FHIT: variants seen among roughly 807,000 people sequenced by gnomAD.
FHIT encodes bis(5'-adenosyl)-triphosphatase.
Under a neutral mutation model 17.9 loss-of-function variants are expected in FHIT, and 19 were observed. The ratio of observed to expected loss-of-function variants is 1.06; its 90% CI spans 0.74 to 1.56. The LOEUF (loss-of-function observed/expected upper bound fraction) is 1.56, where lower values mean the gene tolerates loss of function less well. Among genes scored for constraint, FHIT ranks in the 40% most tolerant of loss-of-function variants. The pLI is 0.00. For missense variants in FHIT, 248 were observed against 189.2 expected (o/e 1.31, Z -1.82); for synonymous variants, 81 against 69.7 (o/e 1.16, Z -0.81).
At position 60,539,969 on chromosome 3, in the gene FHIT, ATAAAT is replaced by A. The variant is rs561035966; in HGVS notation, c.-17-2995_-17-2991del. Among the ~76,000 whole-genome samples, 790 of 150,222 alleles carry A rather than the reference ATAAAT, an allele frequency of 5.3e-3. 7 individuals carry two copies. The highest frequency in any genetic ancestry group is 0.016 in the African/African-American group (661 of 41,226). On this transcript the variant is annotated intron_variant, in intron 4 of 9. Transcript: ENST00000492590. ...AATATATATATATAAATAAAATAAA[ATAAAT>A]TAAATTAAAATAAAAAAGAAGAACC...
chr3:61,059,646 A>G (rs1318574166), intron 2 of FHIT, among the ~76,000 whole-genome samples: 1 of 152,200 alleles, frequency 6.6e-6, no homozygotes, highest in Non-Finnish European at 1.5e-5. Context: ...TCCTTCAAAG[A>G]AAACAACTGA....
intron 3 of FHIT, among the ~76,000 whole-genome samples, chr3:60,970,838 A>G (rs1371444128): frequency 6.6e-6 from 1 of 152,188 alleles, no homozygotes; most frequent in East Asian, 1.9e-4. Context: ...ATACAAAAAT[A>G]GACTTAATAA....
chr3:60,345,042 T>C (rs1011326598), intron 5 of FHIT, among the ~76,000 whole-genome samples: 3 of 152,220 alleles, frequency 2.0e-5, no homozygotes, highest in Admixed American at 1.3e-4. Context: ...AAGTAAACTT[T>C]ATGAAAATCA....
chr3:60,592,529 C>A (rs938309101), intron 4 of FHIT, among the ~76,000 whole-genome samples: 3 of 152,078 alleles, frequency 2.0e-5, no homozygotes, highest in African/African-American at 7.2e-5. Flanking sequence ...TCTCTTCTAC[C>A]ACCTCTGTGA....
chr3:59,790,506 TTCTC>T (rs574974245), intron 8 of FHIT, among the ~76,000 whole-genome samples: 37 of 150,648 alleles, frequency 2.5e-4, no homozygotes, highest in African/African-American at 3.7e-4. Flanking sequence ...CTCTCTCTCT[TTCTC>T]TCTCTCTCTC....
intron 5 of FHIT, among the ~76,000 whole-genome samples, chr3:60,082,615 C>T (rs1413867800): frequency 6.6e-6 from 1 of 152,168 alleles, no homozygotes; most frequent in East Asian, 1.9e-4. Flanking sequence ...ATCCCCCTTT[C>T]TCCACGGTTT....
intron 5 of FHIT, among the ~76,000 whole-genome samples, chr3:60,411,448 G>C (rs1251294989): frequency 1.3e-5 from 2 of 152,130 alleles, no homozygotes; most frequent in Non-Finnish European, 2.9e-5. Context: ...CAGACTCCCA[G>C]GGAAAAAGCC....
chr3:59,804,071 T>C (rs2106998232), intron 8 of FHIT, among the ~76,000 whole-genome samples: 1 of 152,352 alleles, frequency 6.6e-6, no homozygotes, highest in South Asian at 2.1e-4. Flanking sequence ...ATATTCATCA[T>C]TGATGTGGCT....
intron 1 of FHIT, among the ~76,000 whole-genome samples, chr3:61,216,081 G>A (rs1236155377): frequency 6.6e-6 from 1 of 152,086 alleles, no homozygotes; most frequent in Non-Finnish European, 1.5e-5. Context: ...ACATAGGCAT[G>A]GGCAAGGACT....
chr3:60,172,794 G>C (rs1176505698), intron 5 of FHIT, among the ~76,000 whole-genome samples: 1 of 152,096 alleles, frequency 6.6e-6, no homozygotes, highest in Non-Finnish European at 1.5e-5. Flanking sequence ...GGCTGTTGCA[G>C]GAAAGAGGTC....
At chr3:60,140,082 C>G (rs1699975038) in intron 5 of FHIT, among the ~76,000 whole-genome samples, 1 of 151,754 alleles carries the variant, frequency 6.6e-6, no homozygotes, top group African/African-American at 2.4e-5. Context: ...GATCGTACCA[C>G]TGCACAACAG....
At chr3:60,695,036 A>T (rs900552398) in intron 4 of FHIT, among the ~76,000 whole-genome samples, 1 of 152,190 alleles carries the variant, frequency 6.6e-6, no homozygotes, top group African/African-American at 2.4e-5. Context: ...CGTTGTGCAC[A>T]TGTACCCTAG....
chr3:60,751,301 G>A (rs557148846), intron 4 of FHIT, among the ~76,000 whole-genome samples: 3 of 152,336 alleles, frequency 2.0e-5, no homozygotes, highest in South Asian at 2.1e-4. Context: ...GGTGTTCAAT[G>A]GATACTTAGA....
intron 5 of FHIT, among the ~76,000 whole-genome samples, chr3:60,531,596 G>A (rs1412695521): frequency 6.6e-6 from 1 of 152,146 alleles, no homozygotes; most frequent in African/African-American, 2.4e-5. Flanking sequence ...ACTCTTTAGA[G>A]AAATGAAAGA....
At chr3:61,072,750 G>C (rs552438359) in intron 2 of FHIT, among the ~76,000 whole-genome samples, 2 of 151,990 alleles carry the variant, frequency 1.3e-5, no homozygotes, top group Non-Finnish European at 2.9e-5. Flanking sequence ...TGAAAGGATC[G>C]TAAGTGATAC....
intron 5 of FHIT, among the ~76,000 whole-genome samples, chr3:60,076,909 T>C (rs1703033123): frequency 6.6e-6 from 1 of 151,970 alleles, no homozygotes; most frequent in African/African-American, 2.4e-5. Context: ...ACATTCATTT[T>C]CCCCATCCAA....
chr3:61,005,674 A>G (rs2031397063), intron 3 of FHIT, among the ~76,000 whole-genome samples: 1 of 152,166 alleles, frequency 6.6e-6, no homozygotes, highest in African/African-American at 2.4e-5. Context: ...TGTGTGGTGC[A>G]TGGCTGGGCC....
chr3:60,807,061 C>T (rs1391239415), intron 4 of FHIT, among the ~76,000 whole-genome samples: 1 of 152,116 alleles, frequency 6.6e-6, no homozygotes, highest in Non-Finnish European at 1.5e-5. Context: ...AATCATTGTT[C>T]TAAATTATTA....
At chr3:60,262,787 C>G (rs796490570) in intron 5 of FHIT, among the ~76,000 whole-genome samples, 7 of 151,232 alleles carry the variant, frequency 4.6e-5, no homozygotes, top group African/African-American at 1.7e-4. Flanking sequence ...AAAGAGTTAA[C>G]CAAATAAACT....
Sources: gnomAD v4.1 joint callset for allele counts (sites outside exome capture counted in the v4.1 genomes callset) on GRCh38, gnomAD v4.1.1 for gene constraint, MANE v1.5 for transcripts, NCBI Gene and HGNC (gene_info 2026-07-23, HGNC 2026-07-21) for gene names.